The following SDK1 variants were observed in gnomAD, a reference collection of about 807,000 sequenced individuals.
The protein encoded by SDK1 is sidekick cell adhesion molecule 1.
A neutral mutation model predicts 245.5 loss-of-function variants in SDK1; 157 were observed. That is an observed-to-expected ratio of 0.64 (90% CI 0.56 to 0.73). The LOEUF is 0.73. Ranked by LOEUF, SDK1 falls within the 30% of genes least tolerant of loss-of-function variation. The pLI is 0.00. For synonymous variants in SDK1, 1,647 were observed against 1,278.5 expected (o/e 1.29, Z -6.15); for missense variants, 3,583 against 3,002.3 (o/e 1.19, Z -4.52).
intron 25 of SDK1, among the ~76,000 whole-genome samples, chr7:4,118,777 T>G (rs1037076753): frequency 6.7e-6 from 1 of 149,034 alleles, no homozygotes; most frequent in African/African-American, 2.5e-5. Context: ...CATGCTACAG[T>G]GTGGGTGAAC....
chr7:3,413,355 T>G (rs757458944), intron 1 of SDK1, among the ~76,000 whole-genome samples: 2 of 152,202 alleles, frequency 1.3e-5, no homozygotes, highest in African/African-American at 2.4e-5. Context: ...GGTAAGGAGT[T>G]GCAAGATTTC....
At chr7:3,344,263 C>G (rs908924031) in intron 1 of SDK1, among the ~76,000 whole-genome samples, 1 of 152,070 alleles carries the variant, frequency 6.6e-6, no homozygotes, top group Non-Finnish European at 1.5e-5. Flanking sequence ...AAAATATATC[C>G]TAATTTTTCA....
intron 5 of SDK1, among the ~76,000 whole-genome samples, chr7:3,866,480 CG>C (rs1562500386): frequency 1.3e-5 from 2 of 152,080 alleles, no homozygotes; most frequent in East Asian, 3.9e-4. Context: ...CTTAGGAAGG[CG>C]GGACTTTTTT....
intron 1 of SDK1, among the ~76,000 whole-genome samples, chr7:3,327,304 G>A (rs181707764): frequency 6.6e-6 from 1 of 152,174 alleles, no homozygotes; most frequent in Non-Finnish European, 1.5e-5. Flanking sequence ...GCTATCTGCA[G>A]ATTTGTCATG....
chr7:3,999,043 C>T (rs1435280074), intron 14 of SDK1, among the ~76,000 whole-genome samples: 3 of 152,124 alleles, frequency 2.0e-5, no homozygotes, highest in African/African-American at 7.2e-5. Context: ...GTATGTATGT[C>T]ATTGTATCAC....
intron 1 of SDK1, among the ~76,000 whole-genome samples, chr7:3,505,743 C>A (rs1024836049): frequency 6.6e-6 from 1 of 151,934 alleles, no homozygotes; most frequent in African/African-American, 2.4e-5. Flanking sequence ...ATACAGTATT[C>A]CTGGGATGCA....
At chr7:4,240,932 T>G (rs573022123) in intron 42 of SDK1, among the ~76,000 whole-genome samples, 1 of 152,014 alleles carries the variant, frequency 6.6e-6, no homozygotes, top group East Asian at 1.9e-4. Context: ...GACGCGGGGG[T>G]TTGCAGGGTG....
chr7:3,965,598 G>A (rs556255957), intron 9 of SDK1, among the ~76,000 whole-genome samples: 15 of 152,204 alleles, frequency 9.9e-5, no homozygotes, highest in East Asian at 1.9e-4. Context: ...CATCTGTGTC[G>A]GGCACTCTGG....
chr7:3,735,304 G>C (rs1295824080), intron 4 of SDK1, among the ~76,000 whole-genome samples: 2 of 152,116 alleles, frequency 1.3e-5, no homozygotes, highest in East Asian at 3.9e-4. Context: ...ATCTGTACTT[G>C]CTAAGCAGTG....
intron 2 of SDK1, among the ~76,000 whole-genome samples, chr7:3,623,679 G>T (rs189933221): frequency 1.3e-5 from 2 of 152,052 alleles, no homozygotes; most frequent in East Asian, 3.8e-4. Context: ...TTTCCAGAAA[G>T]CATTTAGTCT....
At chr7:3,680,762 G>C (rs1439737251) in intron 4 of SDK1, among the ~76,000 whole-genome samples, 6 of 152,162 alleles carry the variant, frequency 3.9e-5, no homozygotes, top group Non-Finnish European at 8.8e-5. Flanking sequence ...GTCTCCAGAT[G>C]CAACTCCTCT....
intron 5 of SDK1, among the ~76,000 whole-genome samples, chr7:3,882,204 G>T (rs765167998): frequency 6.6e-6 from 1 of 152,028 alleles, no homozygotes; most frequent in African/African-American, 2.4e-5. Context: ...CTCCCAGCCG[G>T]TCCCTCCAAA....
intron 5 of SDK1, among the ~76,000 whole-genome samples, chr7:3,913,535 C>T (rs542368813): frequency 2.6e-5 from 4 of 152,014 alleles, no homozygotes; most frequent in Non-Finnish European, 5.9e-5. Flanking sequence ...CGTCGTGATC[C>T]ACCCGCCTCG....
At chr7:3,578,740 G>A (rs1175090183) in intron 1 of SDK1, among the ~76,000 whole-genome samples, 1 of 151,788 alleles carries the variant, frequency 6.6e-6, no homozygotes, top group Non-Finnish European at 1.5e-5. Flanking sequence ...GACAAATACG[G>A]CTCTTTTTGC....
intron 17 of SDK1, among the ~76,000 whole-genome samples, chr7:4,045,668 G>A (rs1316111964): frequency 2.0e-5 from 3 of 152,176 alleles, no homozygotes. Context: ...GTCCCACCAG[G>A]TGGCCGTGCC....
chr7:4,158,586 CG>C (rs780980524), intron 31 of SDK1, 35 bp downstream of exon 31: 1 of 1,507,326 alleles, frequency 6.6e-7, no homozygotes, highest in Non-Finnish European at 9.2e-7. Context: ...CGTTCCTGGC[CG>C]CTGCCCCTGG....
At chr7:3,729,028 C>T (rs1779096784) in intron 4 of SDK1, among the ~76,000 whole-genome samples, 1 of 152,152 alleles carries the variant, frequency 6.6e-6, no homozygotes, top group Non-Finnish European at 1.5e-5. Context: ...TGACCTTAGC[C>T]TTTGCGATTA....
chr7:4,161,594 C>A (rs1781125877), intron 31 of SDK1, among the ~76,000 whole-genome samples, 192 bp from the exon 32 acceptor site: 1 of 152,130 alleles, frequency 6.6e-6, no homozygotes, highest in African/African-American at 2.4e-5. Flanking sequence ...GGTTGGCTCC[C>A]TCCTATCCCG....
chr7:4,076,942 A>C, intron 20 of SDK1, 56 bp from the exon 21 acceptor site: 1 of 1,474,098 alleles, frequency 6.8e-7, no homozygotes, highest in Admixed American at 1.7e-5. Flanking sequence ...TGTGGAATTC[A>C]GGTGAGCCCT....
Sources: gnomAD v4.1 joint callset for allele counts (sites outside exome capture counted in the v4.1 genomes callset) on GRCh38, gnomAD v4.1.1 for gene constraint, MANE v1.5 for transcripts, NCBI Gene and HGNC (gene_info 2026-07-23, HGNC 2026-07-21) for gene names.